ACAN: variants seen among roughly 807,000 people sequenced by gnomAD.
The protein encoded by ACAN is aggrecan, also known as aggrecan core protein.
A neutral mutation model predicts 169.1 loss-of-function variants in ACAN; 47 were observed. The observed-to-expected ratio is 0.28, with a 90% CI of 0.22 to 0.35. ACAN has a LOEUF of 0.35. Ranked by LOEUF, ACAN falls within the 10% of genes least tolerant of loss-of-function variation. ACAN has a pLI of 1.00. For missense variants in ACAN, 2,716 were observed against 2,759.9 expected, an observed-to-expected ratio of 0.98 and a Z score of 0.36; for synonymous variants, 1,115 against 1,112.2, an observed-to-expected ratio of 1.00 and a Z score of -0.05.
In ACAN at chr15:88,871,706, G is replaced by A. The variant is rs1436546542; in HGVS notation, c.7219+166G>A. On this transcript the variant is annotated intron_variant, in intron 15 of 18. Coordinates refer to ENST00000560601, the MANE Select transcript of ACAN (RefSeq NM_001369268.1). The surrounding 1 kb of genome is among the most constrained non-coding windows in gnomAD (Gnocchi z 7.8). The stretch of plus-strand genomic sequence containing the variant: ...TCTGAGCTCCCAGAGAGAAGACAAC[G>A]GTCTTTGGGGCCAGAAGCTGTGGCT... Among the ~76,000 whole-genome samples, 2 of 152,210 alleles carry A rather than the reference G, an allele frequency of 1.3e-5. No individual in the cohort carries two copies. The highest frequency in any genetic ancestry group is 2.9e-5 in the Non-Finnish European group (2 of 68,038).
chr15:88,852,308 C>T (rs992258363), intron 11 of ACAN, among the ~76,000 whole-genome samples: 8 of 152,264 alleles, frequency 5.3e-5, no homozygotes, highest in African/African-American at 1.9e-4. Context: ...CCCCAAATGC[C>T]CAGGACTGTG....
chr15:88,860,330 CG>C lies in ACAN; in HGVS notation c.6838del (p.Ala2280ProfsTer36). On this transcript the variant is annotated frameshift_variant, in exon 13 of 19. Transcript: ENST00000560601. LOFTEE classifies it high-confidence loss of function. ...RESESTAAAP[A>X]RSCAEEPCGA... ...CCTCTCCCCTGGGGGTTGCAGCCCC[CG>C]CCAGGTCCTGTGCAGAGGAGCCCTG... 1 of 1,609,170 alleles carries C rather than the reference CG, an allele frequency of 6.2e-7. No individual in the cohort carries two copies. The highest frequency in any genetic ancestry group is 8.5e-7 in the Non-Finnish European group (1 of 1,178,070).
intron 7 of ACAN, 135 bp downstream of exon 7, chr15:88,846,017 T>A: frequency 1.0e-6 from 1 of 998,126 alleles, no homozygotes; most frequent in Non-Finnish European, 1.4e-6. Flanking sequence ...TCTCAGACCT[T>A]ATTCTCCTCA....
Position 88,856,812 on chromosome 15 carries a change from G to C in ACAN, c.4227G>C (p.Glu1409Asp), listed in dbSNP as rs28559926. 22,208 of 1,473,804 alleles carry C rather than the reference G, an allele frequency of 0.015. 743 individuals carry two copies. Among genetic ancestry groups the C allele is most frequent in the African/African-American group, 0.13 (6,417 of 47,976 alleles). 91.3% of individuals were successfully genotyped at this position (1,473,804 alleles called of 1,614,324 possible). A position where few individuals can be genotyped will look rare whatever the true frequency, so the allele number is the denominator to read the frequency against. Reference sequence around the variant, plus strand: ...AGACTACTGCCCCTGGAGTAGAGGAGATCAGCGGGCTTCCTTCTGGAGAAG... The same window carrying C: ...AGACTACTGCCCCTGGAGTAGAGGACATCAGCGGGCTTCCTTCTGGAGAAG... ...VLETTAPGVE[E>D]ISGLPSGEVL... Residue 1409 changes from glutamate (E) to aspartate (D), a missense_variant, in exon 12 of 19, where the codon GAG becomes GAC. By Grantham distance (45) the Glu-to-Asp change is conservative. Transcript: ENST00000560601.
Position 88,840,180 on chromosome 15 carries a change from C to A in ACAN, c.623C>A (p.Thr208Asn). The A allele has an allele frequency of 6.3e-7, 1 of 1,596,140 alleles. No homozygotes were observed. The highest frequency in any genetic ancestry group is 1.1e-5 in the South Asian group (1 of 88,112). The change falls in exon 4 of 19, where the codon ACT (threonine) becomes AAT (asparagine). Residue 208 changes from threonine to asparagine, a missense_variant. Thr to Asn is a moderately conservative substitution (Grantham distance 65). Transcript: ENST00000560601. Reference sequence around the variant, plus strand: ...GACGCCGGCTGGCTGGCTGACCAGACTGTCAGGTGAGCCCTAGCCCATCAG... The same window carrying A: ...GACGCCGGCTGGCTGGCTGACCAGAATGTCAGGTGAGCCCTAGCCCATCAG... ...QCDAGWLADQ[T>N]VRYPIHTPRE...
In ACAN at chr15:88,873,427, T is replaced by C. The variant is rs1267407544; in HGVS notation, c.7447+402T>C. Among the ~76,000 whole-genome samples, 1 of 152,184 alleles carries C rather than the reference T, an allele frequency of 6.6e-6. No individual in the cohort carries two copies. The highest frequency in any genetic ancestry group is 1.9e-4 in the East Asian group (1 of 5,188). ...GTCATAGTTGTCAGGCCTCGATCCT[T>C]TGGCTTTCAGTCTGTGGACATTGAG... is the stretch of plus-strand genomic sequence containing the variant. On this transcript the variant is annotated intron_variant, in intron 17 of 18. Coordinates refer to ENST00000560601, the MANE Select transcript of ACAN (RefSeq NM_001369268.1). This position sits in a 1 kb window ranked among gnomAD's most constrained non-coding sequence, Gnocchi z 7.5.
At chr15:88,853,454 A>G (rs555987485) in intron 11 of ACAN, among the ~76,000 whole-genome samples, 5 of 152,318 alleles carry the variant, frequency 3.3e-5, no homozygotes, top group Non-Finnish European at 5.9e-5. Flanking sequence ...CCTGGCCAAC[A>G]TGGCAAAACC....
rs1567180808 is a variant in ACAN, at chr15:88,849,037, A to G, written c.1733-401A>G. 6.6e-6 allele frequency among the ~76,000 whole-genome samples: 1 copy of G among 152,188 alleles called. No homozygotes were observed. ...CCACAGCAGTCACAGTGATAAGTGC[A>G]GTGGTGTAGGGGTGCAAAGGGATTG... On this transcript the variant is annotated intron_variant, in intron 9 of 18. Transcript: ENST00000560601. This position sits in a 1 kb window ranked among gnomAD's most constrained non-coding sequence, Gnocchi z 5.1.
chr15:88,845,839 C>T lies in ACAN; in HGVS notation c.1386C>T (p.Val462=), dbSNP rs894859294. ...CGGCATTCACCAGTGAGGACCTCGT[C>T]GTGCAGGTGACCGCTGTCCCTGGGC... The part of the protein sequence containing the change: ...PATAFTSEDL[V]VQVTAVPGQP... Residue 462 remains valine (V), a synonymous_variant, in exon 7 of 19, where the codon GTC becomes GTT. Coordinates refer to ENST00000560601, the MANE Select transcript of ACAN (RefSeq NM_001369268.1). 1.8e-5 allele frequency: 27 copies of T among 1,491,970 alleles called. No individual in the cohort carries two copies. Among genetic ancestry groups the T allele is most frequent in the Middle Eastern group, 3.5e-4 (2 of 5,678 alleles). The allele number at this position is 1,491,970 out of a possible 1,614,324, so 92.4% of individuals were successfully genotyped here.
chr15:88,847,661 C>T (rs1036280203), intron 8 of ACAN, among the ~76,000 whole-genome samples: 1 of 152,224 alleles, frequency 6.6e-6, no homozygotes, highest in Non-Finnish European at 1.5e-5. Context: ...CCGTTCCCCT[C>T]CAGCCTGACC....
Position 88,859,204 on chromosome 15 carries a change from T to C in ACAN, c.6619T>C (p.Ser2207Pro). ...EISGDLSGHTSQLGVVISTSI... is the reference protein window; with the variant it reads ...EISGDLSGHTPQLGVVISTSI... Reference sequence around the variant, plus strand: ...CAGCGGAGACCTGTCTGGTCACACCTCGCAGCTGGGCGTTGTCATCAGCAC... The same window carrying C: ...CAGCGGAGACCTGTCTGGTCACACCCCGCAGCTGGGCGTTGTCATCAGCAC... The change falls in exon 12 of 19, where the codon TCG (serine) becomes CCG (proline). Residue 2207 changes from serine (S) to proline (P), a missense_variant. Physicochemically the swap from Ser to Pro is moderately conservative, Grantham distance 74. This residue lies in a region of ACAN where 1,389 missense variants were observed against 1,363.7 expected (regional missense o/e 1.02). Coordinates refer to ENST00000560601, the MANE Select transcript of ACAN (RefSeq NM_001369268.1). 1 of 1,613,870 alleles carries C rather than the reference T, an allele frequency of 6.2e-7. No homozygotes were observed. The highest frequency in any genetic ancestry group is 8.5e-7 in the Non-Finnish European group (1 of 1,179,898).
chr15:88,827,823 G>A (rs1308720608), intron 1 of ACAN, among the ~76,000 whole-genome samples: 2 of 152,194 alleles, frequency 1.3e-5, no homozygotes, highest in South Asian at 2.1e-4. Context: ...GCACTTTAGA[G>A]GTAAGGAAAT....
chr15:88,851,875 C>CCTCCT lies in ACAN; in HGVS notation c.2109_2110insTCCTC (p.Gln704SerfsTer13). 1 of 1,612,482 alleles carries CCTCCT rather than the reference C, an allele frequency of 6.2e-7. No individual in the cohort carries two copies. Reference sequence around the variant, plus strand: ...TCTGGTGTGGAGGAGTGGATCGTGACCCAAGTGGTTCCTGGTGTGGCTGCT... The same window carrying CCTCCT: ...TCTGGTGTGGAGGAGTGGATCGTGACCTCCTCCAAGTGGTTCCTGGTGTGGCTGCT... On this transcript the variant is annotated frameshift_variant, in exon 11 of 19. Transcript: ENST00000560601. LOFTEE classifies it high-confidence loss of function. This position sits in a 1 kb window ranked among gnomAD's most constrained non-coding sequence, Gnocchi z 4.3.
At chr15:88,848,290 A>T (rs1485012871) in intron 9 of ACAN, among the ~76,000 whole-genome samples, 2 of 152,266 alleles carry the variant, frequency 1.3e-5, no homozygotes, top group African/African-American at 4.8e-5. Context: ...CCCTTTAAAA[A>T]GCAATGAGGT....
At chr15:88,840,319 C>G in intron 4 of ACAN, 133 bp downstream of exon 4, 1 of 1,155,204 alleles carries the variant, frequency 8.7e-7, no homozygotes, top group Non-Finnish European at 1.2e-6. Context: ...AGGTTAGAGG[C>G]CGTGGTCACA....
Position 88,874,420 on chromosome 15 carries a change from G to A in ACAN, c.7646G>A (p.Arg2549His), listed in dbSNP as rs746554508. ...TTCGTCCTAGCCACCACCTACAAAC[G>A]CAGACTACAGAAGCGGAGCTCACGG... ...ITCTDPTTYK[R>H]RLQKRSSRHP... is the part of the protein sequence containing the mutation. The change falls in exon 19 of 19, where the codon CGC becomes CAC. Residue 2549 changes from arginine (R) to histidine (H), a missense_variant. Physicochemically the swap from Arg to His is conservative, Grantham distance 29. Coordinates refer to ENST00000560601, the MANE Select transcript of ACAN (RefSeq NM_001369268.1). The surrounding 1 kb of genome is among the most constrained non-coding windows in gnomAD (Gnocchi z 7.3). 10 of 1,605,776 alleles carry A rather than the reference G, an allele frequency of 6.2e-6. No homozygotes were observed. Among genetic ancestry groups the A allele is most frequent in the Admixed American group, 3.4e-5 (2 of 58,870 alleles).
intron 1 of ACAN, among the ~76,000 whole-genome samples, chr15:88,811,516 C>T (rs1459275864): frequency 6.6e-6 from 1 of 152,192 alleles, no homozygotes; most frequent in Non-Finnish European, 1.5e-5. Flanking sequence ...AAAGGCTGGC[C>T]ATGCTGGGTA....
rs527535524 is a variant in ACAN at position 88,807,650 on chromosome 15, G to A, written c.-8+3841G>A. On this transcript the variant is annotated intron_variant, in intron 1 of 18. Coordinates refer to ENST00000560601, the MANE Select transcript of ACAN (RefSeq NM_001369268.1). The surrounding 1 kb of genome is among the most constrained non-coding windows in gnomAD (Gnocchi z 4.0). The stretch of plus-strand genomic sequence containing the variant: ...GAGAGGGGGAATTTGTAGAGAAAAC[G>A]GTAAAACGGTTTCTTTTTTCAAAAG... Among the ~76,000 whole-genome samples, 1 of 152,072 alleles carries A rather than the reference G, an allele frequency of 6.6e-6. No individual in the cohort carries two copies. The highest frequency in any genetic ancestry group is 1.9e-4 in the East Asian group (1 of 5,180).
intron 4 of ACAN, among the ~76,000 whole-genome samples, chr15:88,841,354 C>T (rs926028544): frequency 6.6e-6 from 1 of 152,238 alleles, no homozygotes; most frequent in African/African-American, 2.4e-5. Context: ...CAACCCACCC[C>T]TTGCTTCTGT....
Sources: allele counts gnomAD v4.1 joint callset (sites outside exome capture counted in the v4.1 genomes callset), GRCh38; gene constraint gnomAD v4.1.1; regional missense constraint gnomAD v4.1.1; non-coding constraint Gnocchi (gnomAD v3.1); transcripts MANE v1.5; gene names NCBI Gene and HGNC (gene_info 2026-07-23, HGNC 2026-07-21).